Variants in GAREM2 observed in about 807,000 individuals in gnomAD.
The protein encoded by GAREM2 is GRB2-associated and regulator of MAPK protein 2.
A neutral mutation model predicts 55.6 loss-of-function variants in GAREM2; 30 were observed. The ratio of observed to expected loss-of-function variants is 0.54; its 90% confidence interval spans 0.40 to 0.73. The LOEUF (loss-of-function observed/expected upper bound fraction) is 0.73, where lower values mean the gene tolerates loss of function less well. Ranked by LOEUF, GAREM2 falls within the 30% of genes least tolerant of loss-of-function variation. GAREM2 has a pLI of 0.00. For missense variants in GAREM2, 1,075 were observed against 1,257.7 expected (o/e 0.85, Z 2.20); for synonymous variants, 550 against 569.1 (o/e 0.97, Z 0.48).
intron 2 of GAREM2, chr2:26,181,780 G>GACCAGC (rs1669058475): frequency 6.5e-6 from 1 of 154,962 alleles, no homozygotes; most frequent in Non-Finnish European, 1.4e-5. Context: ...AGGAGTTTGA[G>GACCAGC]ACCAGCCTGG....
At chr2:26,191,879 C>CTT (rs991352957), downstream of GAREM2, among the ~76,000 whole-genome samples, 5 of 152,218 alleles carry the variant, frequency 3.3e-5, no homozygotes, top group Non-Finnish European at 5.9e-5. Context: ...ATCAGTATCT[C>CTT]TTTGACATCA....
chr2:26,182,735 G>T lies in GAREM2; in HGVS notation c.254-232G>T, dbSNP rs575662985. 2.6e-5 allele frequency among the ~76,000 whole-genome samples: 4 copies of T among 152,294 alleles called. No individual in the cohort carries two copies. The East Asian group carries it at 7.7e-4, about 29-fold the overall frequency. On this transcript the variant is annotated intron_variant, in intron 2 of 5. Coordinates refer to ENST00000401533, the MANE Select transcript of GAREM2 (RefSeq NM_001168241.2). ...ACTGCATACCCACAGGCTCTCTATG[G>T]GGGGAGGGCTGGGCTATAGTTGCTA...
Position 26,184,328 on chromosome 2 carries a change from G to A in GAREM2, c.480G>A (p.Leu160=). Residue 160 remains leucine (L), a synonymous_variant, in exon 4 of 6, where the codon CTG becomes CTA. Transcript: ENST00000401533. The part of the protein sequence containing the change: ...ELTLMGQAEI[L]CAKTTKERSR... ...CTCTTATGGGCCAGGCGGAGATCCT[G>A]TGCGCCAAGACCACCAAGGAGCGCT... The A allele has an allele frequency of 6.4e-7, 1 of 1,550,646 alleles. No homozygotes were observed.
At chr2:26,198,578 G>C in the GAREM2 span, among the ~76,000 whole-genome samples, 20 of 151,662 alleles carry the variant, frequency 1.3e-4, no homozygotes, top group African/African-American at 4.8e-4. Flanking sequence ...GAGAATCAAG[G>C]AGGAAGACAC....
chr2:26,201,186 A>C, the GAREM2 span: 136 of 1,613,898 alleles, frequency 8.4e-5, no homozygotes, highest in Non-Finnish European at 1.2e-4. Context: ...CTTAAGACTA[A>C]GGTCCTCAAA....
At position 26,188,312 on chromosome 2, in the gene GAREM2, GCA is replaced by G; in HGVS notation, c.*57_*58del. On this transcript the variant is annotated 3_prime_UTR_variant, in exon 6 of 6. Coordinates refer to ENST00000401533, the MANE Select transcript of GAREM2 (RefSeq NM_001168241.2). Reference sequence around the variant, plus strand: ...TGCTGGTATGGGGGCCCCAGGTACAGCACTCCGGAGGAGCAGGTGCTGCCTGC... The same window carrying G: ...TGCTGGTATGGGGGCCCCAGGTACAGCTCCGGAGGAGCAGGTGCTGCCTGC... 7.5e-7 allele frequency: 1 copy of G among 1,331,910 alleles called. No homozygotes were observed. Among genetic ancestry groups the G allele is most frequent in the South Asian group, 1.7e-5 (1 of 59,646 alleles). 82.5% of individuals were successfully genotyped at this position (1,331,910 alleles called of 1,614,324 possible).
chr2:26,183,666 G>C (rs891749667), intron 3 of GAREM2, among the ~76,000 whole-genome samples: 1 of 152,206 alleles, frequency 6.6e-6, no homozygotes, highest in African/African-American at 2.4e-5. Context: ...AGGCTGCACT[G>C]AGCTGTGAAT....
At chr2:26,197,678 G>A in the GAREM2 span, 1 of 1,222,010 alleles carries the variant, frequency 8.2e-7, no homozygotes, top group Non-Finnish European at 1.2e-6. Flanking sequence ...GTTTTTCTCT[G>A]TTCCGAGTTT....
chr2:26,175,806 C>T (rs774669311), intron 1 of GAREM2, among the ~76,000 whole-genome samples: 6 of 152,238 alleles, frequency 3.9e-5, no homozygotes, highest in Non-Finnish European at 8.8e-5. Flanking sequence ...GCCCTCTCCA[C>T]TGCCCCAGTA....
chr2:26,200,894 G>A, the GAREM2 span, among the ~76,000 whole-genome samples: 34 of 151,850 alleles, frequency 2.2e-4, no homozygotes, highest in East Asian at 5.8e-4. Context: ...CACCATGCCC[G>A]GCTAATTTTT....
chr2:26,191,329 GC>G, downstream of GAREM2: 1 of 1,614,048 alleles, frequency 6.2e-7, no homozygotes, highest in African/African-American at 1.3e-5. Flanking sequence ...TCCATAGGCA[GC>G]TTCATATTTC....
the GAREM2 span, chr2:26,203,966 C>T: frequency 8.1e-7 from 1 of 1,227,286 alleles, no homozygotes; most frequent in Non-Finnish European, 1.2e-6. Context: ...ATGGCAAGAA[C>T]AAACAAACAA....
chr2:26,173,153 G>T lies in GAREM2; in HGVS notation c.-68G>T, dbSNP rs1309724330. On this transcript the variant is annotated 5_prime_UTR_variant, in exon 1 of 6. Coordinates refer to ENST00000401533, the MANE Select transcript of GAREM2 (RefSeq NM_001168241.2). Reference sequence around the variant, plus strand: ...GCGGCCCCGGGAGGTGGCGGCGGGCGCGAGAGCCTGGGCCGCGCGGGACTG... The same window carrying T: ...GCGGCCCCGGGAGGTGGCGGCGGGCTCGAGAGCCTGGGCCGCGCGGGACTG... 2.2e-6 allele frequency: 1 copy of T among 453,016 alleles called. No homozygotes were observed. Among genetic ancestry groups the T allele is most frequent in the African/African-American group, 2.1e-5 (1 of 46,902 alleles). The allele number at this position is 453,016 out of a possible 1,614,324, so 28.1% of individuals were successfully genotyped here.
At position 26,185,084 on chromosome 2, in the gene GAREM2, C is replaced by G. The variant is rs966817494; in HGVS notation, c.1236C>G (p.Pro412=). 5 of 1,407,308 alleles carry G rather than the reference C, an allele frequency of 3.6e-6. No homozygotes were observed. The African/African-American group carries it at 7.6e-5, about 21-fold the overall frequency. The allele number at this position is 1,407,308 out of a possible 1,614,324, so 87.2% of individuals were successfully genotyped here. Residue 412 remains proline (P), a synonymous_variant, in exon 4 of 6, where the codon CCC becomes CCG. Transcript: ENST00000401533. ...AGGGCGACCAGGAGTACGTGAGCCC[C>G]GACTGGGCAGCCGCGCCCGAGCCCG... ...AGEGDQEYVS[P]DWAAAPEPAA... is the part of the protein sequence containing the mutation.
At chr2:26,194,665 C>T in the GAREM2 span, 1 of 1,416,524 alleles carries the variant, frequency 7.1e-7, no homozygotes, top group Non-Finnish European at 1.0e-6. Context: ...CATGAGCTCC[C>T]TGGCCCTGCT....
chr2:26,179,723 G>A lies in GAREM2; in HGVS notation c.253+3239G>A, dbSNP rs1267596043. Among the ~76,000 whole-genome samples the A allele has an allele frequency of 6.6e-6, 1 of 152,094 alleles. No homozygotes were observed. The highest frequency in any genetic ancestry group is 1.5e-5 in the Non-Finnish European group (1 of 67,996). On this transcript the variant is annotated intron_variant, in intron 2 of 5. Coordinates refer to ENST00000401533, the MANE Select transcript of GAREM2 (RefSeq NM_001168241.2). This position sits in a 1 kb window ranked among gnomAD's most constrained non-coding sequence, Gnocchi z 4.7. The stretch of plus-strand genomic sequence containing the variant: ...AGGGTCCAGAGCATCACTCCCTGGA[G>A]GGCTCCCTTCCTTCCTCCCGCAGTA...
rs566402560 is a variant in GAREM2 at position 26,187,487 on chromosome 2, C to T, written c.1855C>T (p.His619Tyr). The change falls in exon 6 of 6, where the codon CAT becomes TAT. Residue 619 changes from histidine to tyrosine, a missense_variant. His to Tyr is a moderately conservative substitution (Grantham distance 83). This residue lies in a region of GAREM2 where 515 missense variants were observed against 501.5 expected (regional missense o/e 1.03). Coordinates refer to ENST00000401533, the MANE Select transcript of GAREM2 (RefSeq NM_001168241.2). ...HSCPPLFKPS[H>Y]PQKRFAPFGA... is the part of the protein sequence containing the mutation. ...CTGCCCTCCTCTATTCAAGCCCTCA[C>T]ATCCCCAGAAGCGCTTTGCTCCGTT... The T allele has an allele frequency of 2.9e-5, 45 of 1,547,432 alleles. No individual in the cohort carries two copies. The East Asian group carries it at 8.8e-4, about 30-fold the overall frequency.
At chr2:26,191,405 G>A (rs371667948), downstream of GAREM2, 43 of 1,614,078 alleles carry the variant, frequency 2.7e-5, no homozygotes, top group Middle Eastern at 4.9e-4. Flanking sequence ...CCTGAATAGA[G>A]AAAGAGGACT....
downstream of GAREM2, among the ~76,000 whole-genome samples, chr2:26,190,126 GA>G (rs1382715967): frequency 2.0e-5 from 3 of 152,216 alleles, no homozygotes; most frequent in Non-Finnish European, 4.4e-5. Flanking sequence ...GCTTCCTAGT[GA>G]CCAAGCAGAG....
Sources: allele counts gnomAD v4.1 joint callset (sites outside exome capture counted in the v4.1 genomes callset), GRCh38; gene constraint gnomAD v4.1.1; regional missense constraint gnomAD v4.1.1; non-coding constraint Gnocchi (gnomAD v3.1); transcripts MANE v1.5; gene names NCBI Gene and HGNC (gene_info 2026-07-23, HGNC 2026-07-21).